The following NRXN3 variants were observed in gnomAD, a reference collection of about 807,000 sequenced individuals.
NRXN3 encodes neurexin 3, also known as neurexin III.
In NRXN3, 32 loss-of-function variants were observed where a neutral mutation model predicts 137.6. That is an observed-to-expected ratio of 0.23 (90% CI 0.18 to 0.31). NRXN3 has a LOEUF of 0.31. Among genes scored for constraint, NRXN3 ranks in the 10% least tolerant of loss-of-function variants. The pLI is 1.00. For synonymous variants in NRXN3, 798 were observed against 784.5 expected (o/e 1.02, Z -0.29); for missense variants, 1,574 against 2,062.5 (o/e 0.76, Z 4.59).
intron 16 of NRXN3, among the ~76,000 whole-genome samples, chr14:79,648,180 T>C (rs2098460273): frequency 7.5e-6 from 1 of 134,192 alleles, no homozygotes; most frequent in Admixed American, 7.9e-5. Flanking sequence ...CTTACCCTAC[T>C]ATACAAAACA....
intron 7 of NRXN3, among the ~76,000 whole-genome samples, chr14:78,714,196 A>G (rs2152845928): frequency 6.6e-6 from 1 of 152,366 alleles, no homozygotes; most frequent in Non-Finnish European, 1.5e-5. Flanking sequence ...AGAGAGAGAC[A>G]GAAGAGGAAG....
At chr14:79,048,254 T>C (rs966848214) in intron 15 of NRXN3, among the ~76,000 whole-genome samples, 1 of 152,178 alleles carries the variant, frequency 6.6e-6, no homozygotes, top group Non-Finnish European at 1.5e-5. Context: ...ACTAATTGCC[T>C]ATGAGTATTG....
intron 4 of NRXN3, among the ~76,000 whole-genome samples, chr14:78,396,437 T>G: frequency 6.6e-6 from 1 of 152,242 alleles, no homozygotes; most frequent in Admixed American, 6.5e-5. Flanking sequence ...TTGTTCTTCC[T>G]GATGTTTTGA....
At chr14:78,918,649 A>T (rs1373595363) in intron 10 of NRXN3, among the ~76,000 whole-genome samples, 2 of 152,128 alleles carry the variant, frequency 1.3e-5, no homozygotes, top group East Asian at 3.8e-4. Context: ...TCTTGATTTC[A>T]TTTTCTACTT....
chr14:78,700,866 G>C (rs1039379437), intron 6 of NRXN3, among the ~76,000 whole-genome samples: 10 of 152,108 alleles, frequency 6.6e-5, no homozygotes, highest in Admixed American at 1.3e-4. Context: ...CTGCCACCTG[G>C]GTTCAAGCGA....
intron 4 of NRXN3, among the ~76,000 whole-genome samples, chr14:78,630,912 T>C (rs2097516073): frequency 1.3e-5 from 2 of 152,248 alleles, no homozygotes; most frequent in Admixed American, 1.3e-4. Context: ...GCCATTTTTC[T>C]AAATGTATTA....
In NRXN3 at chr14:79,500,752, A is replaced by T. The variant is rs141555368; in HGVS notation, c.3444+33350A>T. On this transcript the variant is annotated intron_variant, in intron 16 of 20. Transcript: ENST00000335750. ...TGTGGGTTGCAGTGAGGTCAATCAG[A>T]TGCAGTCAAATGGCAGAGAAGATAT... 4.5e-3 allele frequency among the ~76,000 whole-genome samples: 682 copies of T among 152,304 alleles called. 5 individuals carry two copies. The highest frequency in any genetic ancestry group is 0.031 in the Middle Eastern group (9 of 294).
In NRXN3 at chr14:79,697,833, C is replaced by T; in HGVS notation, c.3910C>T (p.Gln1304Ter). The T allele has an allele frequency of 6.2e-7, 1 of 1,613,310 alleles. No individual in the cohort carries two copies. Among genetic ancestry groups the T allele is most frequent in the Non-Finnish European group, 8.5e-7 (1 of 1,179,496 alleles). Residue 1304 changes from glutamine (Q) to a stop codon, truncating the protein, a stop_gained, in exon 19 of 21, where the codon CAG becomes TAG. Transcript: ENST00000335750. LOFTEE classifies it high-confidence loss of function. ...AGTCCCATCAATTTTGGGAACAACACAGACGACCTCCATGCCACCAGAAAT... is the reference window on the plus strand; with the variant it reads ...AGTCCCATCAATTTTGGGAACAACATAGACGACCTCCATGCCACCAGAAAT... ...GEVPSILGTT[Q>*]TTSMPPEMST... is the part of the protein sequence containing the mutation.
rs566794305 is a variant in NRXN3, at chr14:78,978,634, A to T, written c.3143-9388A>T. Among the ~76,000 whole-genome samples, 19 of 150,952 alleles carry T rather than the reference A, an allele frequency of 1.3e-4. 1 individual carries two copies. The South Asian group carries it at 4.0e-3, about 31-fold the overall frequency. On this transcript the variant is annotated intron_variant, in intron 14 of 20. Coordinates refer to ENST00000335750, the MANE Select transcript of NRXN3 (RefSeq NM_001330195.2). ...GCTAAGTAAATAGGCTATCCTTATT[A>T]TCAGGAATACCCTCTGTATTAGTTA...
At chr14:78,247,954 G>T (rs973684480) in intron 2 of NRXN3, among the ~76,000 whole-genome samples, 3 of 152,326 alleles carry the variant, frequency 2.0e-5, no homozygotes, top group African/African-American at 7.2e-5. Context: ...CCTGTGGCAG[G>T]TTGGGTGGAG....
intron 4 of NRXN3, among the ~76,000 whole-genome samples, chr14:78,620,715 G>A (rs1005603084): frequency 6.6e-6 from 1 of 152,166 alleles, no homozygotes; most frequent in African/African-American, 2.4e-5. Flanking sequence ...GTTTACTATA[G>A]GCTCTGATCT....
chr14:78,554,315 G>A (rs1195824183), intron 4 of NRXN3, among the ~76,000 whole-genome samples: 1 of 152,100 alleles, frequency 6.6e-6, no homozygotes, highest in Non-Finnish European at 1.5e-5. Flanking sequence ...GTTACTTGTG[G>A]GTGAGCTCAA....
chr14:78,855,264 C>A (rs2099054003), intron 10 of NRXN3, among the ~76,000 whole-genome samples: 1 of 151,818 alleles, frequency 6.6e-6, no homozygotes, highest in African/African-American at 2.4e-5. Context: ...GTTTTTCTAC[C>A]AGAAGATTCG....
At position 78,982,938 on chromosome 14, in the gene NRXN3, T is replaced by C. The variant is rs538185049; in HGVS notation, c.3143-5084T>C. On this transcript the variant is annotated intron_variant, in intron 14 of 20. Coordinates refer to ENST00000335750, the MANE Select transcript of NRXN3 (RefSeq NM_001330195.2). Reference sequence around the variant, plus strand: ...TATAAGAAACACAAACAACTCAAAATAAGAAAACAAATACCCCAATCAAAA... The same window carrying C: ...TATAAGAAACACAAACAACTCAAAACAAGAAAACAAATACCCCAATCAAAA... Among the ~76,000 whole-genome samples the C allele has an allele frequency of 1.3e-4, 20 of 151,980 alleles. No homozygotes were observed. The South Asian group carries it at 4.2e-3, about 32-fold the overall frequency.
intron 4 of NRXN3, among the ~76,000 whole-genome samples, chr14:78,593,003 C>T (rs933723281): frequency 6.6e-6 from 1 of 152,154 alleles, no homozygotes; most frequent in Non-Finnish European, 1.5e-5. Flanking sequence ...CTCATTTGTG[C>T]GCACAGGCAC....
intron 1 of NRXN3, among the ~76,000 whole-genome samples, chr14:78,179,485 G>A (rs192800170): frequency 6.6e-6 from 1 of 152,320 alleles, no homozygotes; most frequent in East Asian, 1.9e-4. Context: ...TGGATTGCCA[G>A]AGCTAAATGG....
chr14:79,245,430 A>G (rs1179411567), intron 15 of NRXN3, among the ~76,000 whole-genome samples: 3 of 152,082 alleles, frequency 2.0e-5, no homozygotes, highest in Non-Finnish European at 4.4e-5. Context: ...GGAGAGAGAG[A>G]GAAGACAGAG....
chr14:78,444,356 T>C (rs1025582122), intron 4 of NRXN3, among the ~76,000 whole-genome samples: 4 of 152,132 alleles, frequency 2.6e-5, no homozygotes, highest in African/African-American at 9.7e-5. Context: ...GCTCCTGTGT[T>C]TTTCTGCTCC....
At chr14:79,024,391 A>G (rs912801766) in intron 15 of NRXN3, among the ~76,000 whole-genome samples, 9 of 152,208 alleles carry the variant, frequency 5.9e-5, no homozygotes, top group Admixed American at 3.3e-4. Context: ...AATAAATAAA[A>G]TAAATGTAAT....
Sources: allele counts gnomAD v4.1 joint callset (sites outside exome capture counted in the v4.1 genomes callset), GRCh38; gene constraint gnomAD v4.1.1; transcripts MANE v1.5; gene names NCBI Gene and HGNC (gene_info 2026-07-23, HGNC 2026-07-21).